SLC44A5: variants seen among roughly 807,000 people sequenced by gnomAD.
The protein encoded by SLC44A5 is choline transporter-like protein 5.
In SLC44A5, 57 loss-of-function variants were observed where a neutral mutation model predicts 101.8. That is an observed-to-expected ratio of 0.56 (90% CI 0.45 to 0.70). SLC44A5 has a LOEUF of 0.70. SLC44A5 is among the 30% of genes least tolerant of loss of function. The probability of loss-of-function intolerance (pLI) is 0.00; values close to 1 mark genes in which losing one functional copy is unlikely to be tolerated. For missense variants in SLC44A5, 737 were observed against 853.1 expected, an observed-to-expected ratio of 0.86 and a Z score of 1.70; for synonymous variants, 281 against 290.9, an observed-to-expected ratio of 0.97 and a Z score of 0.35.
intron 3 of SLC44A5, among the ~76,000 whole-genome samples, chr1:75,385,534 A>G (rs1240444159): frequency 6.6e-6 from 1 of 152,190 alleles, no homozygotes; most frequent in African/African-American, 2.4e-5. Flanking sequence ...TGAATAGACC[A>G]ATAACAGGCT....
rs1315635033 is a variant in SLC44A5 at position 75,330,104 on chromosome 1, TATACAC to T, written c.101+9472_101+9477del. Reference sequence around the variant, plus strand: ...CTGTGTGGCAAATGAAATATATATATATACACACACACACACACACACACACACACA... The same window carrying T: ...CTGTGTGGCAAATGAAATATATATATACACACACACACACACACACACACA... On this transcript the variant is annotated intron_variant, in intron 4 of 23. Transcript: ENST00000370859. Among the ~76,000 whole-genome samples, 338 of 144,236 alleles carry T rather than the reference TATACAC, an allele frequency of 2.3e-3. 1 individual carries two copies. The highest frequency in any genetic ancestry group is 8.4e-3 in the African/African-American group (302 of 35,882). 94.6% of individuals were successfully genotyped at this position (144,236 alleles called of 152,430 possible).
rs142637852 is a variant in SLC44A5 at position 75,400,190 on chromosome 1, A to T, written c.14-3569T>A. Among the ~76,000 whole-genome samples, 605 of 152,258 alleles carry T rather than the reference A, an allele frequency of 4.0e-3. 6 individuals carry two copies. Among genetic ancestry groups the T allele is most frequent in the African/African-American group, 0.014 (576 of 41,530 alleles). ...GACATTCATGACTCTAAGAAAGGAGAGGAAAGGATGGGGATACAAGGGTTG... is the reference window on the plus strand; with the variant it reads ...GACATTCATGACTCTAAGAAAGGAGTGGAAAGGATGGGGATACAAGGGTTG... On this transcript the variant is annotated intron_variant, in intron 2 of 23. Coordinates refer to ENST00000370859, the MANE Select transcript of SLC44A5 (RefSeq NM_001130058.2).
intron 1 of SLC44A5, among the ~76,000 whole-genome samples, chr1:75,589,702 C>T (rs1423562419): frequency 6.6e-6 from 1 of 152,128 alleles, no homozygotes. Context: ...TGCCACCCTG[C>T]CCCCACCTCT....
chr1:75,476,600 T>G (rs1217860176), intron 2 of SLC44A5, among the ~76,000 whole-genome samples: 2 of 152,154 alleles, frequency 1.3e-5, no homozygotes, highest in Non-Finnish European at 2.9e-5. Context: ...GGAGATTATA[T>G]CCCACACCTG....
the SLC44A5 span, among the ~76,000 whole-genome samples, chr1:75,663,910 C>A: frequency 1.3e-5 from 2 of 152,076 alleles, no homozygotes; most frequent in Admixed American, 1.3e-4. Context: ...AAACCCTCGA[C>A]AAAATACCAG....
In SLC44A5 at chr1:75,476,999, C is replaced by A. The variant is rs1159543776; in HGVS notation, c.13+64436G>T. On this transcript the variant is annotated intron_variant, in intron 2 of 23. Coordinates refer to ENST00000370859, the MANE Select transcript of SLC44A5 (RefSeq NM_001130058.2). ...CCCTGAGCAGCCTAACTGGGAGGCA[C>A]CCCCCAGCAGGGGCAGACTGACACC... Among the ~76,000 whole-genome samples the A allele has an allele frequency of 3.9e-5, 6 of 152,294 alleles. No homozygotes were observed. The East Asian group carries it at 9.7e-4, about 25-fold the overall frequency.
At chr1:75,408,474 C>T (rs772119053) in intron 2 of SLC44A5, among the ~76,000 whole-genome samples, 23 of 152,078 alleles carry the variant, frequency 1.5e-4, no homozygotes, top group Non-Finnish European at 2.8e-4. Context: ...AAATGCCCAT[C>T]AATGATAGAC....
At chr1:75,543,680 T>C (rs1172790083) in intron 1 of SLC44A5, among the ~76,000 whole-genome samples, 1 of 29,782 alleles carries the variant, frequency 3.4e-5, no homozygotes, top group Non-Finnish European at 6.1e-5. Context: ...TACACACATA[T>C]ATATACACAT....
At chr1:75,606,305 C>T (rs566663235) in intron 1 of SLC44A5, among the ~76,000 whole-genome samples, 4 of 151,746 alleles carry the variant, frequency 2.6e-5, no homozygotes, top group East Asian at 3.9e-4. Flanking sequence ...CATTTAAAGA[C>T]GTAAAAGAAG....
At chr1:75,535,415 G>A (rs1225912077) in intron 2 of SLC44A5, among the ~76,000 whole-genome samples, 1 of 152,110 alleles carries the variant, frequency 6.6e-6, no homozygotes, top group Non-Finnish European at 1.5e-5. Context: ...CATGCAAAAG[G>A]GCAAGTCAGT....
At chr1:75,278,362 T>C (rs1325711343) in intron 5 of SLC44A5, among the ~76,000 whole-genome samples, 1 of 152,148 alleles carries the variant, frequency 6.6e-6, no homozygotes, top group Non-Finnish European at 1.5e-5. Context: ...TCTGTTCTAG[T>C]AGAAAGAACA....
the SLC44A5 span, among the ~76,000 whole-genome samples, chr1:75,658,193 C>A: frequency 7.9e-5 from 12 of 152,186 alleles, no homozygotes; most frequent in East Asian, 2.1e-3. Flanking sequence ...CCCAACTCAG[C>A]CTCAAAGGTA....
chr1:75,438,235 T>C (rs975670118), intron 2 of SLC44A5, among the ~76,000 whole-genome samples: 1 of 152,130 alleles, frequency 6.6e-6, no homozygotes, highest in African/African-American at 2.4e-5. Flanking sequence ...AAGTTATTGA[T>C]GACCTTGACA....
chr1:75,210,700 A>G (rs1646836223), intron 23 of SLC44A5, among the ~76,000 whole-genome samples: 1 of 152,152 alleles, frequency 6.6e-6, no homozygotes, highest in Non-Finnish European at 1.5e-5. Flanking sequence ...ATTATTATTC[A>G]CTTAAAAAAT....
At position 75,229,846 on chromosome 1, in the gene SLC44A5, TGG is replaced by T. The variant is rs1327873652; in HGVS notation, c.854-1991_854-1990del. Among the ~76,000 whole-genome samples the T allele has an allele frequency of 1.2e-3, 182 of 152,324 alleles. 1 individual carries two copies. The highest frequency in any genetic ancestry group is 4.1e-3 in the African/African-American group (169 of 41,588). ...AAACAGAATAATGTATGACTAGATG[TGG>T]ATTTCTCTTCCTTTACTCTCCTTAG... On this transcript the variant is annotated intron_variant, in intron 12 of 23. Coordinates refer to ENST00000370859, the MANE Select transcript of SLC44A5 (RefSeq NM_001130058.2).
At chr1:75,478,560 T>C (rs918502683) in intron 2 of SLC44A5, among the ~76,000 whole-genome samples, 10 of 151,834 alleles carry the variant, frequency 6.6e-5, no homozygotes, top group African/African-American at 2.4e-4. Flanking sequence ...GAGGAAGATC[T>C]ACCAAGCAAA....
chr1:75,564,590 C>CT (rs1033522457), intron 1 of SLC44A5, among the ~76,000 whole-genome samples: 8 of 20,964 alleles, frequency 3.8e-4, no homozygotes, highest in Admixed American at 2.2e-3. Context: ...TATTTATTTA[C>CT]TTTTTTTTTA....
Position 75,339,625 on chromosome 1 carries a change from G to T in SLC44A5, c.58C>A (p.Pro20Thr). Reference protein sequence around the residue: ...TPSEEEDFGDPRTYDPDFKGP... With the variant: ...TPSEEEDFGDTRTYDPDFKGP... ...TTGAAATCTGGGTCATATGTCCTTG[G>T]ATCACCTGCATTTAAAACAAAGACA... Residue 20 changes from proline (P) to threonine (T), a missense_variant, in exon 4 of 24, where the codon CCA becomes ACA. Coordinates refer to ENST00000370859, the MANE Select transcript of SLC44A5 (RefSeq NM_001130058.2). 2 of 1,607,342 alleles carry T rather than the reference G, an allele frequency of 1.2e-6. No homozygotes were observed. The highest frequency in any genetic ancestry group is 1.7e-6 in the Non-Finnish European group (2 of 1,176,694).
chr1:75,206,369 C>T, intron 23 of SLC44A5: 1 of 407,394 alleles, frequency 2.5e-6, no homozygotes, highest in Non-Finnish European at 4.3e-6. Context: ...ACACTCTCGG[C>T]TACAGATTTT....
Sources: gnomAD v4.1 joint callset for allele counts (sites outside exome capture counted in the v4.1 genomes callset) on GRCh38, gnomAD v4.1.1 for gene constraint, MANE v1.5 for transcripts, NCBI Gene and HGNC (gene_info 2026-07-23, HGNC 2026-07-21) for gene names.